Variants in KIFC3 observed in about 807,000 individuals in gnomAD.
The protein encoded by KIFC3 is kinesin family member C3, also known as kinesin-like protein KIFC3.
Under a neutral mutation model 101.8 loss-of-function variants are expected in KIFC3, and 60 were observed. The ratio of observed to expected loss-of-function variants is 0.59; its 90% CI spans 0.48 to 0.73. The LOEUF (loss-of-function observed/expected upper bound fraction) is 0.73, where lower values mean the gene tolerates loss of function less well. KIFC3 is among the 30% of genes least tolerant of loss of function. KIFC3 has a pLI of 0.00. For missense variants in KIFC3, 966 were observed against 1,137.1 expected, an observed-to-expected ratio of 0.85 and a Z score of 2.16; for synonymous variants, 476 against 482.7, an observed-to-expected ratio of 0.99 and a Z score of 0.18.
chr16:57,811,411 C>G (rs2055070897), intron 1 of KIFC3, among the ~76,000 whole-genome samples: 2 of 151,854 alleles, frequency 1.3e-5, no homozygotes, highest in Non-Finnish European at 2.9e-5. Context: ...GGAGGGAGGA[C>G]AGGAGAGAGA....
At chr16:57,816,124 C>A (rs2055217489) in intron 1 of KIFC3, 5 of 1,097,958 alleles carry the variant, frequency 4.6e-6, no homozygotes, top group Non-Finnish European at 5.9e-6. Flanking sequence ...GGCTCTGAAC[C>A]ATTTGACCTG....
chr16:57,773,242 G>A (rs1555609927), intron 3 of KIFC3, among the ~76,000 whole-genome samples: 1 of 152,180 alleles, frequency 6.6e-6, no homozygotes, highest in African/African-American at 2.4e-5. Context: ...TGGTTTAGGA[G>A]GTTTACACAG....
chr16:57,838,657 T>C (rs1236547885), intron 1 of KIFC3, among the ~76,000 whole-genome samples: 1 of 152,220 alleles, frequency 6.6e-6, no homozygotes, highest in Non-Finnish European at 1.5e-5. Context: ...CTGAAATTGA[T>C]GGTGTTGCAG....
chr16:57,812,038 GTC>G (rs2055093653), intron 1 of KIFC3, among the ~76,000 whole-genome samples: 1 of 148,308 alleles, frequency 6.7e-6, no homozygotes, highest in African/African-American at 2.5e-5. Flanking sequence ...GCGAGACCCC[GTC>G]TCTCTCTTTT....
At chr16:57,776,012 G>A (rs2052018646) in intron 3 of KIFC3, 1 of 985,358 alleles carries the variant, frequency 1.0e-6, no homozygotes. Context: ...TTCACAGGCA[G>A]AAGCGGCTCG....
intron 2 of KIFC3, among the ~76,000 whole-genome samples, chr16:57,795,888 T>TG (rs1555622670): frequency 4.3e-4 from 23 of 52,944 alleles, no homozygotes; most frequent in Non-Finnish European, 7.8e-4. Flanking sequence ...TTTTTTGTTT[T>TG]TTTTTTTTTT....
rs950730244 is a variant in KIFC3 at position 57,788,774 on chromosome 16, G to T, written c.315+6225C>A. On this transcript the variant is annotated intron_variant, in intron 3 of 19. Coordinates refer to ENST00000445690, the MANE Select transcript of KIFC3 (RefSeq NM_001130100.2). ...GACTGTGCCAGGGAAGGACCCTCGA[G>T]CCAGAGGATGGTGTGCTCCCGGAGC... 1.4e-5 allele frequency: 18 copies of T among 1,274,086 alleles called. No individual in the cohort carries two copies. The African/African-American group carries it at 2.8e-4, about 20-fold the overall frequency. The allele number at this position is 1,274,086 out of a possible 1,614,324, so 78.9% of individuals were successfully genotyped here.
rs1297430403 is a variant in KIFC3, at chr16:57,769,501, T to C, written c.1218+94A>G. On this transcript the variant is annotated intron_variant, in intron 9 of 19. Transcript: ENST00000445690. The surrounding 1 kb of genome is among the most constrained non-coding windows in gnomAD (Gnocchi z 4.3). ...GCAGGGGCTGCTGTCTGAGCGGCTT[T>C]GTCTGAGCTTTGGAGGGACGCCCTG... 2 of 1,489,836 alleles carry C rather than the reference T, an allele frequency of 1.3e-6. No homozygotes were observed. Among genetic ancestry groups the C allele is most frequent in the African/African-American group, 1.4e-5 (1 of 72,468 alleles). The allele number at this position is 1,489,836 out of a possible 1,614,324, so 92.3% of individuals were successfully genotyped here.
intron 1 of KIFC3, among the ~76,000 whole-genome samples, chr16:57,857,008 C>T (rs1269148256): frequency 1.3e-5 from 2 of 152,166 alleles, no homozygotes; most frequent in African/African-American, 4.8e-5. Flanking sequence ...ATTGTGTGAG[C>T]CCAGCATTAC....
chr16:57,795,617 G>T (rs72795549), intron 2 of KIFC3, among the ~76,000 whole-genome samples: 4 of 152,174 alleles, frequency 2.6e-5, no homozygotes, highest in African/African-American at 9.7e-5. Flanking sequence ...CTCCCCAAGC[G>T]TATTCAGAAC....
intron 1 of KIFC3, among the ~76,000 whole-genome samples, chr16:57,817,480 T>G (rs191602063): frequency 6.6e-6 from 1 of 152,188 alleles, no homozygotes; most frequent in South Asian, 2.1e-4. Flanking sequence ...CCTGAAGGCC[T>G]AGGAGAGAAT....
chr16:57,785,589 C>A (rs971593221), intron 3 of KIFC3: 40 of 1,285,716 alleles, frequency 3.1e-5, no homozygotes, highest in Non-Finnish European at 4.0e-5. Flanking sequence ...ATGGCCTCCA[C>A]CATCCTAAGC....
chr16:57,842,989 C>T (rs1281452440), intron 1 of KIFC3, among the ~76,000 whole-genome samples: 2 of 151,966 alleles, frequency 1.3e-5, no homozygotes, highest in South Asian at 2.1e-4. Context: ...AAAAATTAGC[C>T]AGGCATGGTG....
At chr16:57,820,398 C>A (rs1384668622) in intron 1 of KIFC3, among the ~76,000 whole-genome samples, 2 of 152,216 alleles carry the variant, frequency 1.3e-5, no homozygotes, top group African/African-American at 2.4e-5. Context: ...CCTCAGCCTT[C>A]TGAGTAGCTG....
chr16:57,833,045 A>G (rs1350653454), intron 1 of KIFC3, among the ~76,000 whole-genome samples: 2 of 152,054 alleles, frequency 1.3e-5, no homozygotes, highest in African/African-American at 4.8e-5. Flanking sequence ...ATCTCTACTA[A>G]AAATACACAA....
chr16:57,825,564 A>T (rs1555630649), intron 1 of KIFC3, among the ~76,000 whole-genome samples: 1 of 152,168 alleles, frequency 6.6e-6, no homozygotes, highest in Non-Finnish European at 1.5e-5. Context: ...TGCCCACCCA[A>T]ATTAGCTGCC....
rs1381262603 is a variant in KIFC3 at position 57,791,011 on chromosome 16, A to G, written c.315+3988T>C. 8.3e-6 allele frequency: 6 copies of G among 720,044 alleles called. No individual in the cohort carries two copies. The African/African-American group carries it at 1.2e-4, about 14-fold the overall frequency. The allele number at this position is 720,044 out of a possible 1,614,324, so 44.6% of individuals were successfully genotyped here. A position where few individuals can be genotyped will look rare whatever the true frequency, so the allele number is the denominator to read the frequency against. ...CACTTTGAGAGGCTGAGGCGGGTGG[A>G]TCACCTGAGGTTAGGACTTCGAGAG... On this transcript the variant is annotated intron_variant, in intron 3 of 19. Transcript: ENST00000445690.
At chr16:57,823,759 C>G (rs1374274738) in intron 1 of KIFC3, among the ~76,000 whole-genome samples, 5 of 54,672 alleles carry the variant, frequency 9.1e-5, no homozygotes, top group Non-Finnish European at 1.5e-4. Flanking sequence ...CACCCGGCTA[C>G]TTTGTGTGTG....
chr16:57,760,977 G>T (rs1555596358), intron 15 of KIFC3, 22 bp from the exon 16 acceptor site: 4 of 1,604,784 alleles, frequency 2.5e-6, no homozygotes, highest in South Asian at 1.1e-5. Context: ...GCACCCACCA[G>T]ATCAGGCCTG....
Sources: allele counts gnomAD v4.1 joint callset (sites outside exome capture counted in the v4.1 genomes callset), GRCh38; gene constraint gnomAD v4.1.1; non-coding constraint Gnocchi (gnomAD v3.1); transcripts MANE v1.5; gene names NCBI Gene and HGNC (gene_info 2026-07-23, HGNC 2026-07-21).